The following OSBPL6 variants were observed in gnomAD, a reference collection of about 807,000 sequenced individuals.
OSBPL6 encodes the protein oxysterol-binding protein-related protein 6.
Under a neutral mutation model 125.8 loss-of-function variants are expected in OSBPL6, and 49 were observed. The observed-to-expected ratio is 0.39, with a 90% confidence interval of 0.31 to 0.49. The LOEUF is 0.49. OSBPL6 is among the 20% of genes least tolerant of loss of function. The pLI is 0.88. For missense variants in OSBPL6, 986 were observed against 1,135.4 expected, an observed-to-expected ratio of 0.87 and a Z score of 1.89; for synonymous variants, 394 against 391.8, an observed-to-expected ratio of 1.01 and a Z score of -0.07.
At chr2:178,267,997 A>G (rs998984471) in intron 1 of OSBPL6, among the ~76,000 whole-genome samples, 1 of 152,182 alleles carries the variant, frequency 6.6e-6, no homozygotes, top group African/African-American at 2.4e-5. Context: ...ATTGGCATGA[A>G]TGAATTACTG....
chr2:178,197,521 C>T (rs1574452544), intron 1 of OSBPL6, among the ~76,000 whole-genome samples: 2 of 152,012 alleles, frequency 1.3e-5, no homozygotes, highest in South Asian at 4.1e-4. Flanking sequence ...CTGAAACCTC[C>T]GATGGTGCCA....
intron 1 of OSBPL6, among the ~76,000 whole-genome samples, chr2:178,282,382 G>A (rs558146819): frequency 6.6e-6 from 1 of 152,122 alleles, no homozygotes; most frequent in Non-Finnish European, 1.5e-5. Flanking sequence ...AGGAAACAGC[G>A]GGAAGGAAAG....
At chr2:178,305,616 A>G (rs1686689326) in intron 2 of OSBPL6, among the ~76,000 whole-genome samples, 1 of 152,240 alleles carries the variant, frequency 6.6e-6, no homozygotes, top group Admixed American at 6.5e-5. Flanking sequence ...TTTGTGTTGG[A>G]TTAACCGTCA....
intron 1 of OSBPL6, among the ~76,000 whole-genome samples, chr2:178,252,925 T>A (rs2091748966): frequency 6.6e-6 from 1 of 152,124 alleles, no homozygotes; most frequent in Non-Finnish European, 1.5e-5. Context: ...GTGGTTGGTA[T>A]AAGGGACCAC....
At chr2:178,217,864 A>G (rs1013704325) in intron 1 of OSBPL6, among the ~76,000 whole-genome samples, 3 of 152,206 alleles carry the variant, frequency 2.0e-5, no homozygotes, top group Non-Finnish European at 4.4e-5. Flanking sequence ...GCTCAATTTT[A>G]CAAGCTACCC....
chr2:178,350,736 G>A (rs558211429), intron 12 of OSBPL6, among the ~76,000 whole-genome samples: 33 of 152,256 alleles, frequency 2.2e-4, no homozygotes, highest in South Asian at 2.1e-3. Context: ...TTATGTAACA[G>A]CATAGATTTA....
chr2:178,324,190 TG>T lies in OSBPL6; in HGVS notation c.118del (p.Glu40ArgfsTer12). 1.3e-6 allele frequency: 2 copies of T among 1,547,028 alleles called. No individual in the cohort carries two copies. The highest frequency in any genetic ancestry group is 1.2e-5 in the South Asian group (1 of 83,614). Reference sequence around the variant, plus strand: ...ATTTATTTTCAGAGTATTCACATACTGGAGAGGACTGCTTCCTCTAGCACCG... The same window carrying T: ...ATTTATTTTCAGAGTATTCACATACTGAGAGGACTGCTTCCTCTAGCACCG... Reference protein sequence around the residue: ...QRDSRQSIHILERTASSSTEP... With the variant: ...QRDSRQSIHIXERTASSSTEP... On this transcript the variant is annotated frameshift_variant, in exon 4 of 25. Coordinates refer to ENST00000190611, the MANE Select transcript of OSBPL6 (RefSeq NM_032523.4). LOFTEE classifies it high-confidence loss of function.
chr2:178,388,952 C>T (rs1695173962), intron 20 of OSBPL6, 57 bp from the exon 21 acceptor site: 2 of 1,554,938 alleles, frequency 1.3e-6, no homozygotes, highest in Non-Finnish European at 8.8e-7. Context: ...TTAGCAGAAA[C>T]AGTTATATGT....
chr2:178,284,396 TAA>T (rs1684502608), intron 1 of OSBPL6, among the ~76,000 whole-genome samples: 1 of 151,954 alleles, frequency 6.6e-6, no homozygotes, highest in African/African-American at 2.4e-5. Flanking sequence ...CTACTAAAAA[TAA>T]AAAAATTAGC....
chr2:178,331,424 G>T, intron 5 of OSBPL6, 128 bp from the exon 6 acceptor site: 1 of 972,286 alleles, frequency 1.0e-6, no homozygotes, highest in South Asian at 1.4e-5. Context: ...CAAATGCACT[G>T]AATCCAGATA....
intron 1 of OSBPL6, among the ~76,000 whole-genome samples, chr2:178,276,787 T>G (rs1425201133): frequency 2.6e-5 from 4 of 151,890 alleles, no homozygotes; most frequent in African/African-American, 9.7e-5. Flanking sequence ...GAAGAGTTTT[T>G]TTTTTTTTTT....
chr2:178,356,113 A>T (rs1691762536), intron 12 of OSBPL6, among the ~76,000 whole-genome samples: 1 of 152,236 alleles, frequency 6.6e-6, no homozygotes, highest in South Asian at 2.1e-4. Flanking sequence ...TATTTATGAC[A>T]AATTCACAGC....
At position 178,320,181 on chromosome 2, in the gene OSBPL6, TTGTC is replaced by T. The variant is rs1215577479; in HGVS notation, c.103-3988_103-3985del. ...CATTCAGCTATTATTAAGTGTCTCA[TTGTC>T]TGTCTGTTTACCTATGTCTTTGATA... is the stretch of plus-strand genomic sequence containing the variant. On this transcript the variant is annotated intron_variant, in intron 3 of 24. Coordinates refer to ENST00000190611, the MANE Select transcript of OSBPL6 (RefSeq NM_032523.4). 8.5e-5 allele frequency: 117 copies of T among 1,379,130 alleles called. 1 individual carries two copies. In the South Asian group the frequency reaches 1.4e-3, roughly 17 times the overall value. The allele number at this position is 1,379,130 out of a possible 1,614,324, so 85.4% of individuals were successfully genotyped here.
At chr2:178,210,823 AACACACACACACAC>A (rs1216449642) in intron 1 of OSBPL6, among the ~76,000 whole-genome samples, 6 of 145,438 alleles carry the variant, frequency 4.1e-5, no homozygotes, top group Admixed American at 6.8e-5. Flanking sequence ...AAAAAAAAAA[AACACACACACACAC>A]ACACACACAC....
At chr2:178,247,135 A>G (rs1045763938) in intron 1 of OSBPL6, among the ~76,000 whole-genome samples, 5 of 151,858 alleles carry the variant, frequency 3.3e-5, no homozygotes, top group Admixed American at 6.6e-5. Context: ...TTAAATTTCA[A>G]CTGGAATCGA....
intron 11 of OSBPL6, chr2:178,344,409 G>C: frequency 6.3e-7 from 1 of 1,579,320 alleles, no homozygotes. Flanking sequence ...ATGAGAACCT[G>C]TGTACAAGGA....
At chr2:178,256,155 A>G (rs1452947317) in intron 1 of OSBPL6, among the ~76,000 whole-genome samples, 1 of 152,210 alleles carries the variant, frequency 6.6e-6, no homozygotes, top group African/African-American at 2.4e-5. Flanking sequence ...CAGTTCTGTG[A>G]TGAATTAGAA....
intron 3 of OSBPL6, among the ~76,000 whole-genome samples, chr2:178,308,916 T>C (rs1232850454): frequency 6.6e-6 from 1 of 152,164 alleles, no homozygotes; most frequent in Non-Finnish European, 1.5e-5. Context: ...GTAGGGCAGA[T>C]TCATGCTCAA....
At chr2:178,394,106 A>G (rs1344045674) in intron 23 of OSBPL6, among the ~76,000 whole-genome samples, 1 of 152,222 alleles carries the variant, frequency 6.6e-6, no homozygotes, top group Non-Finnish European at 1.5e-5. Flanking sequence ...TCATGTACAT[A>G]GAAAATATGT....
Sources: allele counts gnomAD v4.1 joint callset (sites outside exome capture counted in the v4.1 genomes callset), GRCh38; gene constraint gnomAD v4.1.1; transcripts MANE v1.5; gene names NCBI Gene and HGNC (gene_info 2026-07-23, HGNC 2026-07-21).